KIF21B: variants seen among roughly 807,000 people sequenced by gnomAD.
KIF21B encodes kinesin family member 21B.
Under a neutral mutation model 192.9 loss-of-function variants are expected in KIF21B, and 85 were observed. The observed-to-expected ratio is 0.44, with a 90% confidence interval of 0.37 to 0.53. The LOEUF (loss-of-function observed/expected upper bound fraction) is 0.53, where lower values mean the gene tolerates loss of function less well. KIF21B is among the 20% of genes least tolerant of loss of function. The pLI, the probability that KIF21B is intolerant of heterozygous loss-of-function variation, is 0.00. For missense variants in KIF21B, 1,716 were observed against 2,194.8 expected (o/e 0.78, Z 4.36); for synonymous variants, 832 against 884.6 (o/e 0.94, Z 1.05).
rs138837432 is a variant in KIF21B, at chr1:200,992,313, G to A, written c.2354C>T (p.Ala785Val). 4.5e-4 allele frequency: 727 copies of A among 1,612,872 alleles called. No homozygotes were observed. The highest frequency in any genetic ancestry group is 5.9e-4 in the Non-Finnish European group (695 of 1,180,038). Residue 785 changes from alanine (A) to valine (V), a missense_variant, in exon 16 of 35, where the codon GCA (alanine) becomes GTA (valine). By Grantham distance (64) the Ala-to-Val change is moderately conservative. Transcript: ENST00000461742. Reference protein sequence around the residue: ...LVETKRNREIAQLKKEQRRQE... With the variant: ...LVETKRNREIVQLKKEQRRQE... ...TCGCCGCTGCTCCTTCTTGAGCTGTGCGATCTCCCGGTTCCTCTTGGTCTC... is the reference window on the plus strand; with the variant it reads ...TCGCCGCTGCTCCTTCTTGAGCTGTACGATCTCCCGGTTCCTCTTGGTCTC...
At chr1:200,981,664 A>C (rs1289318830) in intron 28 of KIF21B, among the ~76,000 whole-genome samples, 2 of 152,206 alleles carry the variant, frequency 1.3e-5, no homozygotes, top group Non-Finnish European at 1.5e-5. Flanking sequence ...CCATGTGTAC[A>C]CATACACACT....
chr1:200,990,789 C>G lies in KIF21B; in HGVS notation c.2688-66G>C, dbSNP rs552250877. 92 of 1,599,626 alleles carry G rather than the reference C, an allele frequency of 5.8e-5. No homozygotes were observed. The highest frequency in any genetic ancestry group is 7.6e-5 in the Non-Finnish European group (89 of 1,169,880). ...TAACCTCTGCAGCTCCACTGAGCCC[C>G]CATCTGGAGCTGACAGCCACGGGGA... On this transcript the variant is annotated intron_variant, in intron 18 of 34. Coordinates refer to ENST00000461742, the MANE Select transcript of KIF21B (RefSeq NM_001252102.2). The surrounding 1 kb of genome is among the most constrained non-coding windows in gnomAD (Gnocchi z 5.4).
chr1:201,000,698 C>A lies in KIF21B; in HGVS notation c.1466+19G>T. On this transcript the variant is annotated intron_variant, in intron 10 of 34. Coordinates refer to ENST00000461742, the MANE Select transcript of KIF21B (RefSeq NM_001252102.2). The surrounding 1 kb of genome is among the most constrained non-coding windows in gnomAD (Gnocchi z 6.0). Reference sequence around the variant, plus strand: ...GAGGCCCCCAGCCCGCGCACACCTGCCGGAGCTCACTCACTCACCGTAGCT... The same window carrying A: ...GAGGCCCCCAGCCCGCGCACACCTGACGGAGCTCACTCACTCACCGTAGCT... The A allele has an allele frequency of 2.5e-6, 4 of 1,614,112 alleles. No homozygotes were observed. Among genetic ancestry groups the A allele is most frequent in the Non-Finnish European group, 3.4e-6 (4 of 1,179,964 alleles).
intron 26 of KIF21B, among the ~76,000 whole-genome samples, chr1:200,985,635 T>C (rs1473829368): frequency 1.3e-5 from 2 of 152,228 alleles, no homozygotes; most frequent in Non-Finnish European, 2.9e-5. Flanking sequence ...TCCTTCGATC[T>C]ACAGAAGCTC....
chr1:200,977,735 A>ATT (rs56046486), intron 30 of KIF21B, among the ~76,000 whole-genome samples: 19,418 of 141,862 alleles, frequency 0.14, 1,574 homozygotes, highest in Middle Eastern at 0.19. Context: ...TCTGTTTACT[A>ATT]TTTTTTTTTT....
rs1276461560 is a variant in KIF21B, at chr1:200,975,323, G to A, written c.4614+176C>T. 6.6e-6 allele frequency among the ~76,000 whole-genome samples: 1 copy of A among 152,198 alleles called. No individual in the cohort carries two copies. Among genetic ancestry groups the A allele is most frequent in the Non-Finnish European group, 1.5e-5 (1 of 68,030 alleles). ...TGGCATCAGGAGAGGCCGCGGGTAGGGAAGAAGGGAGGATGGAGACAGAGG... is the reference window on the plus strand; with the variant it reads ...TGGCATCAGGAGAGGCCGCGGGTAGAGAAGAAGGGAGGATGGAGACAGAGG... On this transcript the variant is annotated intron_variant, in intron 33 of 34. Transcript: ENST00000461742. The surrounding 1 kb of genome is among the most constrained non-coding windows in gnomAD (Gnocchi z 4.3).
intron 14 of KIF21B, among the ~76,000 whole-genome samples, chr1:200,997,185 T>G (rs1285904881): frequency 6.6e-6 from 1 of 152,204 alleles, no homozygotes; most frequent in African/African-American, 2.4e-5. Context: ...GTAGCTCTCT[T>G]GAAACTCCAC....
At chr1:201,005,207 TC>T (rs1259481480) in intron 5 of KIF21B, 100 bp downstream of exon 5, 1 of 1,446,230 alleles carries the variant, frequency 6.9e-7, no homozygotes, top group Non-Finnish European at 9.2e-7. Flanking sequence ...GAGGCCAGCC[TC>T]AATCTGGTTT....
At position 201,005,325 on chromosome 1, in the gene KIF21B, A is replaced by G. The variant is rs761258584; in HGVS notation, c.715T>C (p.Cys239Arg). ...CTCCTCACCAGGTCGGGCTGGGTGC[A>G]CATGCGCATCTGGCACAGGTGGATG... ...FTIHLCQMRM[C>R]TQPDLVNEAV... is the part of the protein sequence containing the mutation. Residue 239 changes from cysteine (C) to arginine (R), a missense_variant, in exon 5 of 35, where the codon TGC (cysteine) becomes CGC (arginine). Around this residue, in one of 3 missense-constraint regions of KIF21B, gnomAD observed 1,087 missense variants for 1,316.6 expected, o/e 0.83. Coordinates refer to ENST00000461742, the MANE Select transcript of KIF21B (RefSeq NM_001252102.2). 1.9e-6 allele frequency: 3 copies of G among 1,607,354 alleles called. No homozygotes were observed. The highest frequency in any genetic ancestry group is 1.1e-5 in the South Asian group (1 of 90,170).
chr1:200,974,749 G>T lies in KIF21B; in HGVS notation c.4779C>A (p.Ile1593=). The change falls in exon 34 of 35, where the codon ATC becomes ATA. Residue 1593 remains isoleucine, a synonymous_variant. Transcript: ENST00000461742. ...TGAAGATATGCTTGGCATTGGTGCA[G>T]ATGGCATTGATGGGACTGTCGTGGC... ...IKGHDSPINA[I]CTNAKHIFTA... is the part of the protein sequence containing the mutation. 6.2e-7 allele frequency: 1 copy of T among 1,614,252 alleles called. No individual in the cohort carries two copies. The highest frequency in any genetic ancestry group is 8.5e-7 in the Non-Finnish European group (1 of 1,180,030).
rs1655563970 is a variant in KIF21B at position 200,976,638 on chromosome 1, T to G, written c.4443+138A>C. 7 of 516,064 alleles carry G rather than the reference T, an allele frequency of 1.4e-5. No homozygotes were observed. The South Asian group carries it at 2.7e-4, about 20-fold the overall frequency. The allele number at this position is 516,064 out of a possible 1,614,324, so 32.0% of individuals were successfully genotyped here. ...CTATAACTTTCTGCACATAAATTCT[T>G]GCCTTCTTTGGGGTGATTTCTTCAG... On this transcript the variant is annotated intron_variant, in intron 32 of 34. Coordinates refer to ENST00000461742, the MANE Select transcript of KIF21B (RefSeq NM_001252102.2).
chr1:201,012,428 G>A (rs897118392), intron 1 of KIF21B, among the ~76,000 whole-genome samples: 4 of 152,222 alleles, frequency 2.6e-5, no homozygotes, highest in Admixed American at 6.5e-5. Flanking sequence ...ATGTGCTAGC[G>A]CTGGCTCAGG....
rs774676250 is a variant in KIF21B, at chr1:200,988,931, C to T, written c.3133G>A (p.Gly1045Arg). 2.5e-6 allele frequency: 4 copies of T among 1,608,334 alleles called. No individual in the cohort carries two copies. Among genetic ancestry groups the T allele is most frequent in the East Asian group, 2.2e-5 (1 of 44,812 alleles). Residue 1045 changes from glycine (G) to arginine (R), a missense_variant and splice_region_variant, in exon 22 of 35, where the codon GGG becomes AGG. Gly to Arg is a moderately radical substitution (Grantham distance 125). Coordinates refer to ENST00000461742, the MANE Select transcript of KIF21B (RefSeq NM_001252102.2). Reference protein sequence around the residue: ...DNFLKASIDKGLQVAQKEAQI... With the variant: ...DNFLKASIDKRLQVAQKEAQI... ...GCTTCCTTTTGTGCCACTTGCAGCC[C>T]CTGGGGGCAGGGAACAAAGCCTGGA...
At position 200,975,765 on chromosome 1, in the gene KIF21B, C is replaced by T; in HGVS notation, c.4444-96G>A. The T allele has an allele frequency of 3.1e-6, 4 of 1,285,918 alleles. No individual in the cohort carries two copies. The highest frequency in any genetic ancestry group is 4.2e-6 in the Non-Finnish European group (4 of 954,480). The allele number at this position is 1,285,918 out of a possible 1,614,324, so 79.7% of individuals were successfully genotyped here. ...CCCAGAGGCCTGAAGACCCAGGAGT[C>T]TGGCTAGGGTGACAGCCACTGCCCT... On this transcript the variant is annotated intron_variant, in intron 32 of 34. Coordinates refer to ENST00000461742, the MANE Select transcript of KIF21B (RefSeq NM_001252102.2). This position sits in a 1 kb window ranked among gnomAD's most constrained non-coding sequence, Gnocchi z 4.3.
chr1:200,984,032 G>C (rs1464340949), intron 27 of KIF21B, among the ~76,000 whole-genome samples: 1 of 152,210 alleles, frequency 6.6e-6, no homozygotes, highest in African/African-American at 2.4e-5. Context: ...GGAGCTAAGA[G>C]AGGAGCCCTC....
chr1:200,983,868 TTCA>T (rs1170964534), intron 27 of KIF21B, among the ~76,000 whole-genome samples: 1 of 152,174 alleles, frequency 6.6e-6, no homozygotes, highest in Non-Finnish European at 1.5e-5. Flanking sequence ...GGGCTCAGCA[TTCA>T]TCAAGTAGTA....
chr1:200,990,490 G>T lies in KIF21B; in HGVS notation c.2835+86C>A. On this transcript the variant is annotated intron_variant, in intron 19 of 34. Transcript: ENST00000461742. This position sits in a 1 kb window ranked among gnomAD's most constrained non-coding sequence, Gnocchi z 5.4. ...AAGGAGCAGAGGGAAGTGGGGCAGG[G>T]AAAGGTCTGAAGAGCCAGAGAAGTT... 6.5e-7 allele frequency: 1 copy of T among 1,532,898 alleles called. No homozygotes were observed. Among genetic ancestry groups the T allele is most frequent in the Non-Finnish European group, 8.9e-7 (1 of 1,123,926 alleles). 95.0% of individuals were successfully genotyped at this position (1,532,898 alleles called of 1,614,324 possible).
intron 15 of KIF21B, 135 bp from the exon 16 acceptor site, chr1:200,992,524 G>A: frequency 5.7e-6 from 5 of 882,318 alleles, no homozygotes; most frequent in Non-Finnish European, 8.9e-6. Context: ...AGGGCCTGGG[G>A]GTCTGAAGTG....
intron 15 of KIF21B, among the ~76,000 whole-genome samples, chr1:200,992,919 C>T (rs1257956921): frequency 6.6e-6 from 1 of 152,232 alleles, no homozygotes; most frequent in Non-Finnish European, 1.5e-5. Flanking sequence ...GAGGCATTAT[C>T]GTTCCTGTTT....
Sources: gnomAD v4.1 joint callset for allele counts (sites outside exome capture counted in the v4.1 genomes callset) on GRCh38, gnomAD v4.1.1 for gene constraint, gnomAD v4.1.1 regional missense constraint, Gnocchi (gnomAD v3.1) non-coding constraint, MANE v1.5 for transcripts, NCBI Gene and HGNC (gene_info 2026-07-23, HGNC 2026-07-21) for gene names.